Variants in ITPR1 observed in about 807,000 individuals in gnomAD.
ITPR1 encodes inositol 1,4,5-trisphosphate receptor type 1, also known as inositol 1,4,5-trisphosphate-gated calcium channel ITPR1.
In ITPR1, 96 loss-of-function variants were observed where a neutral mutation model predicts 318.4. The observed-to-expected ratio is 0.30, with a 90% CI of 0.26 to 0.36. The LOEUF is 0.36. ITPR1 is among the 10% of genes least tolerant of loss of function. The probability of loss-of-function intolerance (pLI) is 1.00; values close to 1 mark genes in which losing one functional copy is unlikely to be tolerated. For missense variants in ITPR1, 2,440 were observed against 3,460.2 expected, an observed-to-expected ratio of 0.71 and a Z score of 7.40; for synonymous variants, 1,312 against 1,289.9, an observed-to-expected ratio of 1.02 and a Z score of -0.37.
chr3:4,611,005 C>T (rs191511151), intron 4 of ITPR1, among the ~76,000 whole-genome samples: 2,117 of 93,776 alleles, frequency 0.023, 234 homozygotes, highest in African/African-American at 0.1. Flanking sequence ...CCTTCCCTTC[C>T]CTTCCCTTCC....
intron 44 of ITPR1, 55 bp downstream of exon 44, chr3:4,735,409 C>G (rs892782596): frequency 5.5e-6 from 8 of 1,457,364 alleles, no homozygotes; most frequent in Non-Finnish European, 6.7e-6. Flanking sequence ...GGAGGAGAGT[C>G]TGTTCTGGGA....
Position 4,545,976 on chromosome 3 carries a change from C to T in ITPR1, c.163+24882C>T, listed in dbSNP as rs544920126. Among the ~76,000 whole-genome samples the T allele has an allele frequency of 7.8e-4, 119 of 152,196 alleles. 1 individual carries two copies. Among genetic ancestry groups the T allele is most frequent in the African/African-American group, 2.7e-3 (114 of 41,532 alleles). On this transcript the variant is annotated intron_variant, in intron 4 of 61. Transcript: ENST00000649015. ...CCTCCCAAAGTGCTGGGATTACAGG[C>T]GTGACATGTGATCTTGAGCGAAATA...
intron 4 of ITPR1, among the ~76,000 whole-genome samples, chr3:4,552,707 A>G (rs1395417371): frequency 6.6e-6 from 1 of 152,152 alleles, no homozygotes; most frequent in African/African-American, 2.4e-5. Context: ...TTGGTGATCA[A>G]CTTAACCTTC....
intron 44 of ITPR1, among the ~76,000 whole-genome samples, chr3:4,752,049 T>C (rs2044571424): frequency 6.6e-6 from 1 of 152,222 alleles, no homozygotes; most frequent in Non-Finnish European, 1.5e-5. Flanking sequence ...TTTTAGACTT[T>C]TGATCAAGAT....
intron 53 of ITPR1, chr3:4,800,180 A>T: frequency 2.0e-6 from 1 of 503,414 alleles, no homozygotes; most frequent in Non-Finnish European, 3.5e-6. Flanking sequence ...AAGTAATGTC[A>T]AAGCTAAGAC....
chr3:4,840,933 G>A (rs2051298952), intron 61 of ITPR1, among the ~76,000 whole-genome samples: 1 of 152,202 alleles, frequency 6.6e-6, no homozygotes, highest in South Asian at 2.1e-4. Context: ...GCTGTTGCTA[G>A]GAATACAAGA....
intron 43 of ITPR1, among the ~76,000 whole-genome samples, chr3:4,733,831 A>G (rs1477993135): frequency 6.6e-6 from 1 of 152,218 alleles, no homozygotes; most frequent in Non-Finnish European, 1.5e-5. Context: ...CCCTGTACAG[A>G]AGTGCTTACT....
chr3:4,733,023 G>T, intron 42 of ITPR1, 65 bp from the exon 43 acceptor site: 1 of 1,530,696 alleles, frequency 6.5e-7, no homozygotes, highest in South Asian at 1.2e-5. Flanking sequence ...TGTGTGTTTT[G>T]AATATTCGTC....
At chr3:4,818,314 C>T (rs2049439971) in intron 60 of ITPR1, 72 bp downstream of exon 60, 1 of 1,242,928 alleles carries the variant, frequency 8.0e-7, no homozygotes, top group Non-Finnish European at 1.1e-6. Flanking sequence ...CCCCAGCAGC[C>T]CATCGGGGAG....
intron 44 of ITPR1, among the ~76,000 whole-genome samples, chr3:4,740,581 C>T (rs962779876): frequency 2.0e-4 from 31 of 152,294 alleles, no homozygotes; most frequent in African/African-American, 7.2e-4. Flanking sequence ...CCTGAAATGC[C>T]TGGAAGCCAA....
At chr3:4,551,260 G>T (rs976198501) in intron 4 of ITPR1, among the ~76,000 whole-genome samples, 5 of 152,120 alleles carry the variant, frequency 3.3e-5, no homozygotes, top group African/African-American at 1.2e-4. Context: ...AGTCTAGAAG[G>T]CAAAAATAAT....
intron 26 of ITPR1, 41 bp downstream of exon 26, chr3:4,681,459 T>C (rs2094296518): frequency 1.4e-6 from 2 of 1,386,332 alleles, no homozygotes; most frequent in East Asian, 4.6e-5. Context: ...GGAAGGCTGC[T>C]CTTCCAGAGC....
At chr3:4,808,493 T>C (rs1024085508) in intron 55 of ITPR1, among the ~76,000 whole-genome samples, 1 of 152,372 alleles carries the variant, frequency 6.6e-6, no homozygotes. Context: ...CTTCTGATCA[T>C]GCTACCTCAG....
chr3:4,737,991 A>G (rs149441296), intron 44 of ITPR1, among the ~76,000 whole-genome samples: 1 of 152,330 alleles, frequency 6.6e-6, no homozygotes, highest in African/African-American at 2.4e-5. Flanking sequence ...GTTCTCAGTT[A>G]TAAGTGGGAG....
chr3:4,803,728 C>T (rs2048383219), intron 54 of ITPR1, among the ~76,000 whole-genome samples: 1 of 152,194 alleles, frequency 6.6e-6, no homozygotes, highest in African/African-American at 2.4e-5. Context: ...CTCTGGCCTT[C>T]TCTGATAATC....
chr3:4,645,723 G>A lies in ITPR1; in HGVS notation c.850G>A (p.Val284Met), dbSNP rs1203361319. 4.3e-6 allele frequency: 7 copies of A among 1,612,496 alleles called. No homozygotes were observed. The highest frequency in any genetic ancestry group is 5.9e-6 in the Non-Finnish European group (7 of 1,179,688). The stretch of plus-strand genomic sequence containing the variant: ...CACCAGTTCAAAAGCCCTGTGGGAG[G>A]TGGAGGTAAGGGTAGGGTGGAGAAA... ...SATSSKALWE[V>M]EVVQHDPCRG... is the part of the protein sequence containing the mutation. Residue 284 changes from valine (V) to methionine (M), a missense_variant, in exon 10 of 62, where the codon GTG becomes ATG. Transcript: ENST00000649015.
chr3:4,761,986 G>A (rs1452922058), intron 44 of ITPR1, among the ~76,000 whole-genome samples: 1 of 152,196 alleles, frequency 6.6e-6, no homozygotes, highest in East Asian at 1.9e-4. Context: ...GCCACAGCCA[G>A]CAATTCCAGA....
chr3:4,838,146 C>A (rs2051067628), intron 61 of ITPR1, among the ~76,000 whole-genome samples: 1 of 152,010 alleles, frequency 6.6e-6, no homozygotes, highest in Non-Finnish European at 1.5e-5. Context: ...CCTGAGATAC[C>A]ATTTGGCCTC....
rs529351470 is a variant in ITPR1 at position 4,627,418 on chromosome 3, T to C, written c.164-345T>C. Among the ~76,000 whole-genome samples the C allele has an allele frequency of 2.5e-3, 381 of 152,106 alleles. 9 individuals carry two copies. Among genetic ancestry groups the C allele is most frequent in the Admixed American group, 0.023 (349 of 15,276 alleles). ...GGCGGAGGTCGCAGTGAGCCGAGGT[T>C]GTGCCACTGCACTCCAGTCTGGGTG... On this transcript the variant is annotated intron_variant, in intron 4 of 61. Transcript: ENST00000649015.
Sources: gnomAD v4.1 joint callset for allele counts (sites outside exome capture counted in the v4.1 genomes callset) on GRCh38, gnomAD v4.1.1 for gene constraint, MANE v1.5 for transcripts, NCBI Gene and HGNC (gene_info 2026-07-23, HGNC 2026-07-21) for gene names.